TMED10: variants seen among roughly 807,000 people sequenced by gnomAD.
TMED10 encodes transmembrane p24 trafficking protein 10, also known as transmembrane emp24 domain-containing protein 10.
A neutral mutation model predicts 23.1 loss-of-function variants in TMED10; 7 were observed. The observed-to-expected ratio is 0.30, with a 90% confidence interval of 0.17 to 0.57. TMED10 has a LOEUF of 0.57. TMED10 is among the 20% of genes least tolerant of loss of function. TMED10 has a pLI of 0.91. For missense variants in TMED10, 162 were observed against 274.8 expected, an observed-to-expected ratio of 0.59 and a Z score of 2.90; for synonymous variants, 113 against 106.9, an observed-to-expected ratio of 1.06 and a Z score of -0.35.
rs918924697 is a variant in TMED10, at chr14:75,171,929, C to CTT, written c.225+4424_225+4425dup. Among the ~76,000 whole-genome samples, 12 of 143,130 alleles carry CTT rather than the reference C, an allele frequency of 8.4e-5. No homozygotes were observed. The South Asian group carries it at 9.1e-4, about 11-fold the overall frequency. 93.9% of individuals were successfully genotyped at this position (143,130 alleles called of 152,430 possible). ...AGATTAAACCTGAATCTGGTTACAT[C>CTT]TTTTTTTTTTTTTTTACACTTTAAG... On this transcript the variant is annotated intron_variant, in intron 1 of 4. Coordinates refer to ENST00000303575, the MANE Select transcript of TMED10 (RefSeq NM_006827.6).
chr14:75,137,770 T>C (rs955570319), intron 3 of TMED10, among the ~76,000 whole-genome samples: 8 of 150,862 alleles, frequency 5.3e-5, no homozygotes, highest in African/African-American at 1.7e-4. Context: ...TACAGTGGTA[T>C]GATCTTGGCT....
At chr14:75,135,418 C>A (rs778076444) in intron 4 of TMED10, among the ~76,000 whole-genome samples, 1 of 152,032 alleles carries the variant, frequency 6.6e-6, no homozygotes, top group East Asian at 1.9e-4. Context: ...CCAGCCTGAG[C>A]GACAGAGCGA....
chr14:75,144,306 C>T (rs191524959), intron 3 of TMED10, among the ~76,000 whole-genome samples: 220 of 152,296 alleles, frequency 1.4e-3, no homozygotes, highest in African/African-American at 5.1e-3. Context: ...TACAAAGATA[C>T]ACCCTCTGAA....
At chr14:75,139,145 C>A (rs1481125496) in intron 3 of TMED10, 1 of 453,204 alleles carries the variant, frequency 2.2e-6, no homozygotes, top group African/African-American at 2.0e-5. Flanking sequence ...TATTATCTTT[C>A]CACACCTTTT....
Position 75,176,403 on chromosome 14 carries a change from C to A in TMED10, c.177G>T (p.Glu59Asp). The change falls in exon 1 of 5, where the codon GAG becomes GAT. Residue 59 changes from glutamate (E) to aspartate (D), a missense_variant. Around this residue, in one of 2 missense-constraint regions of TMED10, gnomAD observed 126 missense variants for 239.5 expected, o/e 0.53. Transcript: ENST00000303575. ...CAGCGCCCCCAGACTGGTCGGAGATCTCGTACGCGCCAGTCACTAGCAGGT... is the reference window on the plus strand; with the variant it reads ...CAGCGCCCCCAGACTGGTCGGAGATATCGTACGCGCCAGTCACTAGCAGGT... ...HKDLLVTGAY[E>D]ISDQSGGAGG... The A allele has an allele frequency of 6.2e-7, 1 of 1,614,226 alleles. No individual in the cohort carries two copies. The highest frequency in any genetic ancestry group is 8.5e-7 in the Non-Finnish European group (1 of 1,180,034).
intron 1 of TMED10, among the ~76,000 whole-genome samples, chr14:75,165,415 A>G (rs569463254): frequency 6.6e-6 from 1 of 152,010 alleles, no homozygotes; most frequent in South Asian, 2.1e-4. Flanking sequence ...TTTAGTAGAG[A>G]CAGGGTTTCA....
In TMED10 at chr14:75,133,408, T is replaced by C. The variant is rs1373085661; in HGVS notation, c.*1477A>G. On this transcript the variant is annotated 3_prime_UTR_variant, in exon 5 of 5. Coordinates refer to ENST00000303575, the MANE Select transcript of TMED10 (RefSeq NM_006827.6). ...AAAAGATACTCAACATCATTAGCCATTGGAAATGCAAATTAAAACCACATG... is the reference window on the plus strand; with the variant it reads ...AAAAGATACTCAACATCATTAGCCACTGGAAATGCAAATTAAAACCACATG... 6.6e-6 allele frequency: 1 copy of C among 152,234 alleles called. No individual in the cohort carries two copies. The highest frequency in any genetic ancestry group is 1.5e-5 in the Non-Finnish European group (1 of 68,046). 9.4% of individuals were successfully genotyped at this position (152,234 alleles called of 1,614,324 possible). A position where few individuals can be genotyped will look rare whatever the true frequency, so the allele number is the denominator to read the frequency against.
chr14:75,169,945 C>G (rs372679960), intron 1 of TMED10, among the ~76,000 whole-genome samples: 1 of 151,738 alleles, frequency 6.6e-6, no homozygotes, highest in East Asian at 1.9e-4. Context: ...AAAAGTGGAA[C>G]GGCCGGGCGT....
At chr14:75,150,069 G>A (rs1265108486) in intron 2 of TMED10, among the ~76,000 whole-genome samples, 1 of 152,156 alleles carries the variant, frequency 6.6e-6, no homozygotes, top group Non-Finnish European at 1.5e-5. Flanking sequence ...CTGCACTCCA[G>A]CCTGGGTGAC....
intron 2 of TMED10, among the ~76,000 whole-genome samples, chr14:75,148,580 G>A (rs940104835): frequency 2.0e-5 from 3 of 152,060 alleles, no homozygotes; most frequent in Non-Finnish European, 2.9e-5. Flanking sequence ...CCAATCCCCT[G>A]GAATTCACCT....
chr14:75,167,239 C>T (rs912461066), intron 1 of TMED10, among the ~76,000 whole-genome samples: 4 of 151,936 alleles, frequency 2.6e-5, no homozygotes, highest in Admixed American at 2.0e-4. Flanking sequence ...CACGCCCAGC[C>T]GAAGCATCCT....
In TMED10 at chr14:75,134,728, G is replaced by GGTACCCCAT; in HGVS notation, c.*148_*156dup. 1.1e-6 allele frequency: 1 copy of GGTACCCCAT among 904,118 alleles called. No homozygotes were observed. The highest frequency in any genetic ancestry group is 2.6e-5 in the Admixed American group (1 of 38,382). The allele number at this position is 904,118 out of a possible 1,614,324, so 56.0% of individuals were successfully genotyped here. ...CCTCATTGACTTGTTGGGTGTAGGT[G>GGTACCCCAT]GTACCCCATGTCCTCCCACACCAAA... is the stretch of plus-strand genomic sequence containing the variant. On this transcript the variant is annotated 3_prime_UTR_variant, in exon 5 of 5. Coordinates refer to ENST00000303575, the MANE Select transcript of TMED10 (RefSeq NM_006827.6).
chr14:75,136,315 C>T (rs1468011594), intron 3 of TMED10, among the ~76,000 whole-genome samples: 1 of 152,088 alleles, frequency 6.6e-6, no homozygotes, highest in South Asian at 2.1e-4. Flanking sequence ...TGCACTGCCA[C>T]ACCCAGCTAA....
chr14:75,153,511 A>G (rs1013438754), intron 1 of TMED10, among the ~76,000 whole-genome samples: 1 of 152,228 alleles, frequency 6.6e-6, no homozygotes, highest in Admixed American at 6.5e-5. Flanking sequence ...ACTGGATCTT[A>G]GCCTTCATTT....
intron 3 of TMED10, among the ~76,000 whole-genome samples, chr14:75,143,113 C>G (rs1242368930): frequency 2.0e-5 from 3 of 152,160 alleles, no homozygotes; most frequent in Non-Finnish European, 4.4e-5. Flanking sequence ...CCTGCCTCAG[C>G]CTTCCAAAGT....
At chr14:75,143,317 A>C (rs894229489) in intron 3 of TMED10, among the ~76,000 whole-genome samples, 4 of 152,336 alleles carry the variant, frequency 2.6e-5, no homozygotes, top group African/African-American at 9.6e-5. Flanking sequence ...AGTAAAATTA[A>C]ACTCTTCTAA....
chr14:75,134,560 C>A lies in TMED10; in HGVS notation c.*325G>T. 1 of 223,802 alleles carries A rather than the reference C, an allele frequency of 4.5e-6. No individual in the cohort carries two copies. Among genetic ancestry groups the A allele is most frequent in the Admixed American group, 5.0e-5 (1 of 20,000 alleles). The allele number at this position is 223,802 out of a possible 1,614,324, so 13.9% of individuals were successfully genotyped here. ...GTGGGAGAAGAAAAGAAAACATAGT[C>A]CAAACAGATCACACAAGGGAACCCA... On this transcript the variant is annotated 3_prime_UTR_variant, in exon 5 of 5. Transcript: ENST00000303575.
intron 1 of TMED10, among the ~76,000 whole-genome samples, chr14:75,170,463 C>G (rs894912889): frequency 1.3e-5 from 2 of 152,040 alleles, no homozygotes; most frequent in African/African-American, 4.8e-5. Flanking sequence ...AAGCCTAGAA[C>G]ACTTTGTTGT....
chr14:75,144,594 G>T (rs1895860494), intron 3 of TMED10, among the ~76,000 whole-genome samples: 1 of 152,162 alleles, frequency 6.6e-6, no homozygotes, highest in African/African-American at 2.4e-5. Context: ...GACCACATGG[G>T]ATTTCAGAAT....
Sources: gnomAD v4.1 joint callset for allele counts (sites outside exome capture counted in the v4.1 genomes callset) on GRCh38, gnomAD v4.1.1 for gene constraint, gnomAD v4.1.1 regional missense constraint, MANE v1.5 for transcripts, NCBI Gene and HGNC (gene_info 2026-07-23, HGNC 2026-07-21) for gene names.